CACNG2: variants seen among roughly 807,000 people sequenced by gnomAD.
CACNG2 encodes voltage-dependent calcium channel gamma-2 subunit.
In CACNG2, 3 loss-of-function variants were observed where a neutral mutation model predicts 25.9. The ratio of observed to expected loss-of-function variants is 0.12; its 90% CI spans 0.05 to 0.30. The LOEUF (loss-of-function observed/expected upper bound fraction) is 0.30. Ranked by LOEUF, CACNG2 falls within the 10% of genes least tolerant of loss-of-function variation. CACNG2 has a pLI of 1.00. For synonymous variants in CACNG2, 167 were observed against 173.3 expected, an observed-to-expected ratio of 0.96 and a Z score of 0.29; for missense variants, 341 against 432.5, an observed-to-expected ratio of 0.79 and a Z score of 1.88.
chr22:36,591,028 T>C (rs1935583122), intron 1 of CACNG2, among the ~76,000 whole-genome samples: 1 of 146,048 alleles, frequency 6.8e-6, no homozygotes, highest in Non-Finnish European at 1.5e-5. Context: ...CTGCTCTATG[T>C]TGGGGGGAGA....
intron 1 of CACNG2, among the ~76,000 whole-genome samples, chr22:36,626,758 C>G (rs1936189475): frequency 6.6e-6 from 1 of 152,192 alleles, no homozygotes; most frequent in Non-Finnish European, 1.5e-5. Flanking sequence ...AGAAAAGTCC[C>G]AGTTGATTAA....
intron 1 of CACNG2, among the ~76,000 whole-genome samples, chr22:36,618,386 G>A (rs1205338768): frequency 1.8e-4 from 3 of 16,310 alleles, no homozygotes; most frequent in Admixed American, 8.8e-4. Context: ...TTACATGAGC[G>A]ACTGGCTTTC....
At chr22:36,568,653 C>T (rs1249733588) in intron 2 of CACNG2, among the ~76,000 whole-genome samples, 2 of 152,260 alleles carry the variant, frequency 1.3e-5, no homozygotes, top group South Asian at 4.2e-4. Context: ...GATCTGCCCG[C>T]CTCGGCCTCC....
At chr22:36,648,210 A>G (rs1936557328) in intron 1 of CACNG2, among the ~76,000 whole-genome samples, 1 of 152,210 alleles carries the variant, frequency 6.6e-6, no homozygotes, top group Non-Finnish European at 1.5e-5. Flanking sequence ...CCCAGTATAA[A>G]TTCAGCTCTT....
At chr22:36,605,276 T>A (rs187357614) in intron 1 of CACNG2, among the ~76,000 whole-genome samples, 1 of 152,068 alleles carries the variant, frequency 6.6e-6, no homozygotes, top group East Asian at 1.9e-4. Context: ...GGTTTCACCA[T>A]GTTGGCCAGG....
At position 36,583,800 on chromosome 22, in the gene CACNG2, C is replaced by T. The variant is rs560940050; in HGVS notation, c.295+3665G>A. 1.9e-4 allele frequency among the ~76,000 whole-genome samples: 29 copies of T among 152,244 alleles called. No homozygotes were observed. The South Asian group carries it at 5.6e-3, about 29-fold the overall frequency. The stretch of plus-strand genomic sequence containing the variant: ...AGCAGCCAGGCTGATGTGTCTAAAT[C>T]GGTCATTCCCATCACACTTAGAATG... On this transcript the variant is annotated intron_variant, in intron 2 of 3. Transcript: ENST00000300105.
chr22:36,655,174 T>C (rs2145978594), intron 1 of CACNG2, among the ~76,000 whole-genome samples: 1 of 152,288 alleles, frequency 6.6e-6, no homozygotes. Context: ...TCCTTTATAA[T>C]TATTCTTTGA....
At chr22:36,658,905 T>C (rs73415666) in intron 1 of CACNG2, among the ~76,000 whole-genome samples, 3,493 of 151,448 alleles carry the variant, frequency 0.023, 139 homozygotes, top group African/African-American at 0.081. Context: ...GGTATTGGGG[T>C]GGGGACAGCA....
At chr22:36,598,270 A>G (rs989501428) in intron 1 of CACNG2, among the ~76,000 whole-genome samples, 1 of 152,192 alleles carries the variant, frequency 6.6e-6, no homozygotes. Flanking sequence ...CATGCCAAAT[A>G]TTAGAATCCC....
chr22:36,640,388 CCTT>C (rs1936424583), intron 1 of CACNG2, among the ~76,000 whole-genome samples: 2 of 152,334 alleles, frequency 1.3e-5, no homozygotes, highest in African/African-American at 4.8e-5. Flanking sequence ...CTCCAAAAAT[CCTT>C]CTTCCTGCTC....
chr22:36,690,227 G>GT (rs1937251434), intron 1 of CACNG2, among the ~76,000 whole-genome samples: 1 of 152,190 alleles, frequency 6.6e-6, no homozygotes, highest in African/African-American at 2.4e-5. Context: ...TGTAAGCCAC[G>GT]TAAGACACTC....
rs566513357 is a variant in CACNG2 at position 36,638,384 on chromosome 22, G to A, written c.212-50836C>T. 3.3e-5 allele frequency among the ~76,000 whole-genome samples: 5 copies of A among 152,294 alleles called. No individual in the cohort carries two copies. In the South Asian group the frequency reaches 6.2e-4, roughly 19 times the overall value. ...AGGGCACGAGGGACTGCATCTTCTA[G>A]TTCTGCCTGTGTCTCTACCTCTGTC... is the stretch of plus-strand genomic sequence containing the variant. On this transcript the variant is annotated intron_variant, in intron 1 of 3. Transcript: ENST00000300105.
At chr22:36,677,466 G>A (rs915610783) in intron 1 of CACNG2, among the ~76,000 whole-genome samples, 8 of 152,148 alleles carry the variant, frequency 5.3e-5, no homozygotes, top group Non-Finnish European at 8.8e-5. Flanking sequence ...TTCCTCTGGG[G>A]TGGGTCAGAG....
intron 1 of CACNG2, among the ~76,000 whole-genome samples, chr22:36,613,675 T>C (rs1409296455): frequency 7.9e-5 from 12 of 152,144 alleles, no homozygotes; most frequent in Admixed American, 7.9e-4. Flanking sequence ...ACTTACATAC[T>C]GATGACCCAC....
intron 1 of CACNG2, among the ~76,000 whole-genome samples, chr22:36,613,774 G>A (rs1215702985): frequency 1.3e-5 from 2 of 151,842 alleles, no homozygotes; most frequent in African/African-American, 4.8e-5. Context: ...ACAGATATCT[G>A]AACCTCAACC....
At chr22:36,602,574 C>T (rs964844314) in intron 1 of CACNG2, among the ~76,000 whole-genome samples, 38 of 151,948 alleles carry the variant, frequency 2.5e-4, no homozygotes, top group Non-Finnish European at 3.5e-4. Flanking sequence ...TTAGTAGAGA[C>T]GGGGTTTCGC....
chr22:36,695,807 G>A (rs1387675227), intron 1 of CACNG2, among the ~76,000 whole-genome samples: 2 of 151,992 alleles, frequency 1.3e-5, no homozygotes, highest in Non-Finnish European at 2.9e-5. Context: ...TGTGAATCGG[G>A]GTTCAACAAG....
At chr22:36,594,767 G>A (rs1935649305) in intron 1 of CACNG2, among the ~76,000 whole-genome samples, 1 of 150,020 alleles carries the variant, frequency 6.7e-6, no homozygotes, top group Non-Finnish European at 1.5e-5. Context: ...GTGTGTGCGT[G>A]CATGGGTGTG....
At chr22:36,565,167 A>C (rs191642943) in intron 3 of CACNG2, among the ~76,000 whole-genome samples, 1 of 152,338 alleles carries the variant, frequency 6.6e-6, no homozygotes, top group East Asian at 1.9e-4. Flanking sequence ...AGTAACTAAT[A>C]ATAGATATTG....
Sources: allele counts gnomAD v4.1 joint callset (sites outside exome capture counted in the v4.1 genomes callset), GRCh38; gene constraint gnomAD v4.1.1; transcripts MANE v1.5; gene names NCBI Gene and HGNC (gene_info 2026-07-23, HGNC 2026-07-21).